Variants in PARN observed in about 807,000 individuals in gnomAD.
PARN encodes the protein poly(A)-specific ribonuclease PARN.
A neutral mutation model predicts 102.8 loss-of-function variants in PARN; 71 were observed. The ratio of observed to expected loss-of-function variants is 0.69; its 90% confidence interval spans 0.57 to 0.84. The LOEUF is 0.84. PARN is among the 40% of genes least tolerant of loss of function. PARN has a pLI of 0.00. For synonymous variants in PARN, 261 were observed against 252.9 expected, an observed-to-expected ratio of 1.03 and a Z score of -0.30; for missense variants, 782 against 760.9, an observed-to-expected ratio of 1.03 and a Z score of -0.33.
At chr16:14,480,126 A>G (rs1279018214) in intron 22 of PARN, among the ~76,000 whole-genome samples, 2 of 152,108 alleles carry the variant, frequency 1.3e-5, no homozygotes, top group African/African-American at 2.4e-5. Flanking sequence ...TGAGGCCAGG[A>G]GTTCGAGGCC....
rs879585281 is a variant in PARN at position 14,464,768 on chromosome 16, T to TA, written c.1671-17688dup. ...AAGATTCTGTTTGGAAAAATAAAAG[T>TA]AAAAAAAAAAAGGTGAAATAAAGAC... is the stretch of plus-strand genomic sequence containing the variant. On this transcript the variant is annotated intron_variant, in intron 22 of 23. Transcript: ENST00000437198. Among the ~76,000 whole-genome samples, 667 of 132,682 alleles carry TA rather than the reference T, an allele frequency of 5.0e-3. 15 individuals are homozygous for TA. Among genetic ancestry groups the TA allele is most frequent in the Admixed American group, 0.043 (578 of 13,488 alleles). The allele number at this position is 132,682 out of a possible 152,430, so 87.0% of individuals were successfully genotyped here.
chr16:14,461,177 A>C (rs1206219542), intron 22 of PARN, among the ~76,000 whole-genome samples: 1 of 152,238 alleles, frequency 6.6e-6, no homozygotes, highest in Non-Finnish European at 1.5e-5. Flanking sequence ...GGTAATCAAA[A>C]ACAAGGAGAG....
At chr16:14,590,060 T>C (rs1477018502) in intron 13 of PARN, among the ~76,000 whole-genome samples, 1 of 145,940 alleles carries the variant, frequency 6.9e-6, no homozygotes, top group Non-Finnish European at 1.5e-5. Context: ...AGACCAGCCT[T>C]GCCAACATGG....
intron 18 of PARN, among the ~76,000 whole-genome samples, chr16:14,580,295 T>G (rs980563742): frequency 4.2e-5 from 6 of 143,090 alleles, no homozygotes; most frequent in Admixed American, 1.4e-4. Flanking sequence ...GTTTTTTTTG[T>G]TTTTTTTTTT....
rs146747391 is a variant in PARN at position 14,455,854 on chromosome 16, G to A, written c.1671-8773C>T. The stretch of plus-strand genomic sequence containing the variant: ...ACCTTAATCTCTGACTCCATGTGTC[G>A]CTGACTGTGCTCTTGCCTTTGACCT... On this transcript the variant is annotated intron_variant, in intron 22 of 23. Coordinates refer to ENST00000437198, the MANE Select transcript of PARN (RefSeq NM_002582.4). Among the ~76,000 whole-genome samples the A allele has an allele frequency of 5.3e-5, 8 of 152,266 alleles. No homozygotes were observed. The East Asian group carries it at 1.4e-3, about 26-fold the overall frequency.
intron 9 of PARN, among the ~76,000 whole-genome samples, chr16:14,607,191 A>G (rs958398235): frequency 6.6e-6 from 1 of 152,024 alleles, no homozygotes; most frequent in African/African-American, 2.4e-5. Flanking sequence ...TGAAATTGTG[A>G]AAGTCTTTTT....
rs1567411906 is a variant in PARN at position 14,582,203 on chromosome 16, G to C, written c.1170C>G (p.Phe390Leu). The part of the protein sequence containing the change: ...GYDAYITGLC[F>L]ISMANYLGSF... Reference sequence around the variant, plus strand: ...TACCTAGGTAATTGGCCATGGAGATGAAGCACAGCCCTGTGATGTAGGCAT... The same window carrying C: ...TACCTAGGTAATTGGCCATGGAGATCAAGCACAGCCCTGTGATGTAGGCAT... Residue 390 changes from phenylalanine to leucine, a missense_variant, in exon 17 of 24, where the codon TTC (phenylalanine) becomes TTG (leucine). Coordinates refer to ENST00000437198, the MANE Select transcript of PARN (RefSeq NM_002582.4). 6.2e-7 allele frequency: 1 copy of C among 1,610,390 alleles called. No homozygotes were observed.
chr16:14,628,120 A>G, intron 3 of PARN, 52 bp downstream of exon 3: 1 of 1,026,990 alleles, frequency 9.7e-7, no homozygotes, highest in Non-Finnish European at 1.5e-6. Flanking sequence ...ATCATTTAAC[A>G]TAAGGAAGAC....
At chr16:14,443,045 T>C (rs554572776) in intron 23 of PARN, among the ~76,000 whole-genome samples, 8 of 152,368 alleles carry the variant, frequency 5.3e-5, no homozygotes, top group African/African-American at 1.9e-4. Context: ...TAGATACTTT[T>C]AAGTCTGCAA....
chr16:14,500,541 G>A (rs780740168), intron 21 of PARN, among the ~76,000 whole-genome samples: 59 of 151,992 alleles, frequency 3.9e-4, no homozygotes, highest in Admixed American at 1.3e-4. Context: ...CTATAGGCAC[G>A]TGCCACCAAG....
At chr16:14,582,748 T>G (rs1483220524) in intron 16 of PARN, among the ~76,000 whole-genome samples, 2 of 152,130 alleles carry the variant, frequency 1.3e-5, no homozygotes, top group Admixed American at 6.6e-5. Flanking sequence ...CCACCACTTA[T>G]TTGCGGTATG....
chr16:14,522,651 G>A (rs1024090046), intron 21 of PARN, among the ~76,000 whole-genome samples: 2 of 152,180 alleles, frequency 1.3e-5, no homozygotes, highest in Non-Finnish European at 2.9e-5. Context: ...AAGTCACAAA[G>A]ACCCAGACAT....
intron 22 of PARN, among the ~76,000 whole-genome samples, chr16:14,459,669 A>C (rs1270557582): frequency 6.6e-6 from 1 of 152,224 alleles, no homozygotes; most frequent in Non-Finnish European, 1.5e-5. Flanking sequence ...AAACTGACTA[A>C]AACTTTTGTG....
intron 6 of PARN, among the ~76,000 whole-genome samples, chr16:14,612,756 C>A (rs1018081393): frequency 2.0e-5 from 3 of 151,810 alleles, no homozygotes; most frequent in African/African-American, 7.2e-5. Context: ...CGCCACCATA[C>A]CCAGCTAATT....
At chr16:14,573,691 C>T (rs540200841) in intron 18 of PARN, among the ~76,000 whole-genome samples, 57 of 152,074 alleles carry the variant, frequency 3.7e-4, no homozygotes, top group Middle Eastern at 6.8e-3. Context: ...ATTATGGGGG[C>T]GGATCTTTCC....
At chr16:14,563,673 T>C (rs907330205) in intron 18 of PARN, among the ~76,000 whole-genome samples, 4 of 150,914 alleles carry the variant, frequency 2.7e-5, no homozygotes, top group Non-Finnish European at 5.9e-5. Flanking sequence ...ATGGCTGGAA[T>C]GACAGGTGCA....
intron 18 of PARN, among the ~76,000 whole-genome samples, chr16:14,556,807 G>A (rs1967719544): frequency 1.3e-5 from 2 of 151,864 alleles, no homozygotes; most frequent in Admixed American, 1.3e-4. Context: ...TTTTTTTAAT[G>A]AAATGCAAAG....
rs1964392980 is a variant in PARN, at chr16:14,497,798, T to C, written c.1481-14971A>G. Among the ~76,000 whole-genome samples the C allele has an allele frequency of 2.0e-5, 3 of 152,338 alleles. No homozygotes were observed. The South Asian group carries it at 6.2e-4, about 32-fold the overall frequency. On this transcript the variant is annotated intron_variant, in intron 21 of 23. Coordinates refer to ENST00000437198, the MANE Select transcript of PARN (RefSeq NM_002582.4). ...TTTACACTTTCATTAACTGTGTCTC[T>C]GTGGATGTTTTGAAGTGGTTTTCAT...
chr16:14,595,800 G>C (rs567363541), intron 12 of PARN, among the ~76,000 whole-genome samples: 1 of 151,726 alleles, frequency 6.6e-6, no homozygotes. Context: ...CAAAGTGCTG[G>C]GATTACAGGA....
Sources: allele counts gnomAD v4.1 joint callset (sites outside exome capture counted in the v4.1 genomes callset), GRCh38; gene constraint gnomAD v4.1.1; transcripts MANE v1.5; gene names NCBI Gene and HGNC (gene_info 2026-07-23, HGNC 2026-07-21).